The following NAV2 variants were observed in gnomAD, a reference collection of about 807,000 sequenced individuals.
The protein encoded by NAV2 is helicase, APC down-regulated 1.
In NAV2, 54 loss-of-function variants were observed where a neutral mutation model predicts 223.2. The observed-to-expected ratio is 0.24, with a 90% CI of 0.19 to 0.30. The LOEUF is 0.30. Ranked by LOEUF, NAV2 falls within the 10% of genes least tolerant of loss-of-function variation. The probability of loss-of-function intolerance (pLI) is 1.00; values close to 1 mark genes in which losing one functional copy is unlikely to be tolerated. For synonymous variants in NAV2, 1,279 were observed against 1,239.3 expected (o/e 1.03, Z -0.67); for missense variants, 2,806 against 3,147.5 (o/e 0.89, Z 2.60).
At chr11:19,551,933 C>T (rs533640709) in intron 1 of NAV2, among the ~76,000 whole-genome samples, 1 of 152,006 alleles carries the variant, frequency 6.6e-6, no homozygotes, top group Non-Finnish European at 1.5e-5. Flanking sequence ...TTCTCCACAT[C>T]TCCTCTCCTT....
intron 1 of NAV2, among the ~76,000 whole-genome samples, chr11:19,396,819 T>G (rs1019560416): frequency 1.3e-5 from 2 of 152,180 alleles, no homozygotes; most frequent in Non-Finnish European, 2.9e-5. Context: ...TCTCTAGTAA[T>G]GTAGAATTTT....
intron 1 of NAV2, among the ~76,000 whole-genome samples, chr11:19,560,862 A>G (rs1020475800): frequency 6.6e-6 from 1 of 152,250 alleles, no homozygotes; most frequent in Non-Finnish European, 1.5e-5. Flanking sequence ...GTGCATCAAC[A>G]GCAAGGTCCC....
At chr11:19,784,716 T>C (rs2056981807) in intron 1 of NAV2, among the ~76,000 whole-genome samples, 1 of 152,168 alleles carries the variant, frequency 6.6e-6, no homozygotes, top group South Asian at 2.1e-4. Context: ...AAATCCTGGG[T>C]TCCACCACTA....
At chr11:19,753,651 C>G (rs985473816) in intron 1 of NAV2, among the ~76,000 whole-genome samples, 2 of 152,240 alleles carry the variant, frequency 1.3e-5, no homozygotes, top group African/African-American at 4.8e-5. Flanking sequence ...GCAAATGTGT[C>G]TTTCATTCCT....
intron 1 of NAV2, among the ~76,000 whole-genome samples, chr11:19,373,669 A>G (rs1038788104): frequency 2.0e-5 from 3 of 152,166 alleles, no homozygotes; most frequent in African/African-American, 7.2e-5. Flanking sequence ...CCTACCTAAA[A>G]TGATATTGCA....
chr11:19,627,526 C>T (rs542841236), intron 1 of NAV2, among the ~76,000 whole-genome samples: 3 of 152,106 alleles, frequency 2.0e-5, no homozygotes, highest in Non-Finnish European at 4.4e-5. Context: ...GCAATTTTGA[C>T]CTCATCAGTC....
At chr11:19,859,706 A>G (rs1266492704) in intron 3 of NAV2, among the ~76,000 whole-genome samples, 1 of 150,898 alleles carries the variant, frequency 6.6e-6, no homozygotes, top group Non-Finnish European at 1.5e-5. Context: ...CTCACTTCCC[A>G]GTAGGGGTGG....
chr11:19,777,071 G>A (rs1484021000), intron 1 of NAV2, among the ~76,000 whole-genome samples: 1 of 150,832 alleles, frequency 6.6e-6, no homozygotes, highest in East Asian at 1.9e-4. Context: ...CAGCTAGGGG[G>A]CGGGGAACTC....
chr11:19,362,366 C>T (rs1854003131), intron 1 of NAV2, among the ~76,000 whole-genome samples: 1 of 152,062 alleles, frequency 6.6e-6, no homozygotes. Context: ...TTTAAATTGA[C>T]TCATTTTTTT....
Position 20,052,713 on chromosome 11 carries a change from A to G in NAV2, c.4482-1367A>G, listed in dbSNP as rs552466511. ...CTGGAAAGTTGCATGTCTGTCAGAT[A>G]TAGTAAAAACATTAAGGAGAAAACA... On this transcript the variant is annotated intron_variant, in intron 17 of 37. Transcript: ENST00000349880. 3.3e-5 allele frequency among the ~76,000 whole-genome samples: 5 copies of G among 152,346 alleles called. No individual in the cohort carries two copies. In the South Asian group the frequency reaches 1.0e-3, roughly 32 times the overall value.
intron 10 of NAV2, among the ~76,000 whole-genome samples, chr11:19,972,077 A>G (rs796907289): frequency 9.8e-5 from 15 of 152,326 alleles, no homozygotes; most frequent in African/African-American, 3.6e-4. Context: ...GAGGAGGTGC[A>G]GAGCTGGAGG....
chr11:19,647,773 T>G (rs890139), intron 1 of NAV2, among the ~76,000 whole-genome samples: 132,222 of 152,172 alleles, frequency 0.87, 58,503 homozygotes, highest in Middle Eastern at 0.96. Context: ...CAGGAGAGAA[T>G]AGGTGGGCTC....
intron 1 of NAV2, among the ~76,000 whole-genome samples, chr11:19,671,419 T>C (rs998651115): frequency 3.9e-5 from 6 of 152,330 alleles, no homozygotes; most frequent in Non-Finnish European, 8.8e-5. Context: ...AAAACCCTAC[T>C]GGCCCTTTGA....
chr11:19,879,131 C>T (rs1173708657), intron 4 of NAV2, among the ~76,000 whole-genome samples: 5 of 152,170 alleles, frequency 3.3e-5, no homozygotes, highest in African/African-American at 4.8e-5. Context: ...AGAAGCCCCT[C>T]GTGAGCCATA....
At chr11:19,831,327 C>T (rs1337273633) in intron 1 of NAV2, among the ~76,000 whole-genome samples, 1 of 149,978 alleles carries the variant, frequency 6.7e-6, no homozygotes, top group Non-Finnish European at 1.5e-5. Context: ...AGGATGAGAC[C>T]ATATGCTGCT....
intron 8 of NAV2, among the ~76,000 whole-genome samples, chr11:19,940,160 C>G (rs540584800): frequency 6.6e-6 from 1 of 151,912 alleles, no homozygotes; most frequent in Non-Finnish European, 1.5e-5. Context: ...TAGTGGATTT[C>G]GTTCCTGTAT....
chr11:19,536,954 T>C (rs1408071830), intron 1 of NAV2, among the ~76,000 whole-genome samples: 2 of 152,230 alleles, frequency 1.3e-5, no homozygotes, highest in Non-Finnish European at 1.5e-5. Context: ...GGTAACTGGT[T>C]ATTTACTGAA....
At chr11:19,920,797 G>A (rs1039465958) in intron 6 of NAV2, among the ~76,000 whole-genome samples, 1 of 152,176 alleles carries the variant, frequency 6.6e-6, no homozygotes, top group African/African-American at 2.4e-5. Context: ...TCACAGAACA[G>A]AATAAGATGA....
At position 19,998,435 on chromosome 11, in the gene NAV2, C is replaced by T. The variant is rs1224388716; in HGVS notation, c.2768+14188C>T. Among the ~76,000 whole-genome samples the T allele has an allele frequency of 1.3e-5, 2 of 152,148 alleles. No individual in the cohort carries two copies. The highest frequency in any genetic ancestry group is 2.9e-5 in the Non-Finnish European group (2 of 68,028). ...ATGCGGTACGTTCTCCACCCAGAAG[C>T]TATTGTAACCTTAACATATACATCA... On this transcript the variant is annotated intron_variant, in intron 11 of 37. Transcript: ENST00000349880. This position sits in a 1 kb window ranked among gnomAD's most constrained non-coding sequence, Gnocchi z 5.0.
Sources: allele counts gnomAD v4.1 joint callset (sites outside exome capture counted in the v4.1 genomes callset), GRCh38; gene constraint gnomAD v4.1.1; non-coding constraint Gnocchi (gnomAD v3.1); transcripts MANE v1.5; gene names NCBI Gene and HGNC (gene_info 2026-07-23, HGNC 2026-07-21).